Variants in CSMD3 observed in about 807,000 individuals in gnomAD.
CSMD3 encodes CUB and Sushi multiple domains 3.
CSMD3 carries 177 observed loss-of-function variants against 435.2 expected under a neutral mutation model. The ratio of observed to expected loss-of-function variants is 0.41; its 90% CI spans 0.36 to 0.46. The LOEUF is 0.46. Among genes scored for constraint, CSMD3 ranks in the 20% least tolerant of loss-of-function variants. CSMD3 has a pLI of 0.34. For synonymous variants in CSMD3, 1,656 were observed against 1,520.5 expected, an observed-to-expected ratio of 1.09 and a Z score of -2.07; for missense variants, 4,265 against 4,504.6, an observed-to-expected ratio of 0.95 and a Z score of 1.52.
chr8:113,389,178 C>T (rs1205634702), intron 1 of CSMD3, among the ~76,000 whole-genome samples: 1 of 151,496 alleles, frequency 6.6e-6, no homozygotes, highest in Non-Finnish European at 1.5e-5. Flanking sequence ...TGGAATAGAC[C>T]AAGAACACAT....
intron 1 of CSMD3, among the ~76,000 whole-genome samples, chr8:113,326,421 T>A (rs891333360): frequency 1.1e-4 from 17 of 151,768 alleles, no homozygotes; most frequent in African/African-American, 2.2e-4. Context: ...GTTTTTTTTT[T>A]AAATCAGGGT....
intron 22 of CSMD3, among the ~76,000 whole-genome samples, chr8:112,612,325 C>G (rs1277747624): frequency 6.6e-6 from 1 of 152,138 alleles, no homozygotes; most frequent in Non-Finnish European, 1.5e-5. Flanking sequence ...TTTCATTGGT[C>G]TTCACCACAG....
In CSMD3 at chr8:112,301,817, T is replaced by C. The variant is rs1483442143; in HGVS notation, c.8416A>G (p.Ser2806Gly). 1 of 1,613,736 alleles carries C rather than the reference T, an allele frequency of 6.2e-7. No homozygotes were observed. The highest frequency in any genetic ancestry group is 8.5e-7 in the Non-Finnish European group (1 of 1,179,862). ...VRECLSSGLW[S>G]ESETRCLAGH... ...CCTAGGCATCTGGTTTCAGATTCAC[T>C]CCAAAGACCTGAGGAAAGGCATTCC... Residue 2806 changes from serine to glycine, a missense_variant, in exon 53 of 71, where the codon AGT becomes GGT. Ser to Gly is a moderately conservative substitution (Grantham distance 56). Transcript: ENST00000297405.
rs559216180 is a variant in CSMD3 at position 113,098,744 on chromosome 8, C to T, written c.917+12G>A. 1.9e-6 allele frequency: 3 copies of T among 1,542,358 alleles called. No homozygotes were observed. In the Admixed American group the frequency reaches 5.0e-5, roughly 26 times the overall value. ...AACATCAATGCAAGGTTAATAGAAG[C>T]TATTTACTTACCATATGGTAGGTGG... is the stretch of plus-strand genomic sequence containing the variant. On this transcript the variant is annotated intron_variant, in intron 5 of 70. Transcript: ENST00000297405.
chr8:113,162,338 G>A (rs769390066), intron 4 of CSMD3, among the ~76,000 whole-genome samples: 24 of 151,960 alleles, frequency 1.6e-4, no homozygotes, highest in South Asian at 4.1e-4. Flanking sequence ...GCGTGAGGCA[G>A]GTAGATCACC....
intron 13 of CSMD3, among the ~76,000 whole-genome samples, chr8:112,702,665 G>C (rs530358086): frequency 3.9e-4 from 59 of 152,188 alleles, no homozygotes; most frequent in African/African-American, 1.3e-3. Context: ...CTGTGGGTAA[G>C]AGAACAGAGA....
chr8:113,222,680 T>C (rs942053666), intron 3 of CSMD3, among the ~76,000 whole-genome samples: 3 of 151,040 alleles, frequency 2.0e-5, no homozygotes, highest in African/African-American at 2.4e-5. Context: ...ATTTGCACTT[T>C]CAAATTAAGG....
At chr8:112,856,240 A>C (rs1204286521) in intron 11 of CSMD3, among the ~76,000 whole-genome samples, 1 of 151,912 alleles carries the variant, frequency 6.6e-6, no homozygotes, top group African/African-American at 2.4e-5. Flanking sequence ...TGAACATCAA[A>C]AATGTATATT....
intron 31 of CSMD3, among the ~76,000 whole-genome samples, chr8:112,490,588 A>G (rs1413103852): frequency 2.0e-5 from 3 of 152,102 alleles, no homozygotes; most frequent in Non-Finnish European, 4.4e-5. Context: ...TATCCCTGCG[A>G]TTAACATCTA....
rs1830390043 is a variant in CSMD3 at position 112,582,287 on chromosome 8, G to A, written c.3885+4779C>T. Among the ~76,000 whole-genome samples the A allele has an allele frequency of 2.0e-5, 3 of 151,978 alleles. No individual in the cohort carries two copies. The South Asian group carries it at 6.2e-4, about 32-fold the overall frequency. On this transcript the variant is annotated intron_variant, in intron 23 of 70. Coordinates refer to ENST00000297405, the MANE Select transcript of CSMD3 (RefSeq NM_198123.2). ...TCTGCCACAATTGTGAGCTTCCTGA[G>A]GTCCTCACCAGAAGTCCAGCTGATG...
At chr8:112,651,268 T>C (rs182407603) in intron 18 of CSMD3, among the ~76,000 whole-genome samples, 175 of 152,304 alleles carry the variant, frequency 1.1e-3, no homozygotes, top group African/African-American at 4.1e-3. Flanking sequence ...TATAATTATA[T>C]TAAATCATAT....
At chr8:112,499,255 T>C (rs1388639690) in intron 30 of CSMD3, among the ~76,000 whole-genome samples, 1 of 151,828 alleles carries the variant, frequency 6.6e-6, no homozygotes, top group Non-Finnish European at 1.5e-5. Context: ...ATCCAAGGTA[T>C]CAAAAAACCA....
intron 35 of CSMD3, among the ~76,000 whole-genome samples, chr8:112,393,585 T>A (rs1830621573): frequency 6.6e-6 from 1 of 152,178 alleles, no homozygotes; most frequent in African/African-American, 2.4e-5. Context: ...ATTCTAACTC[T>A]TCTTCTTTGC....
At chr8:113,177,260 G>A (rs1163063189) in intron 3 of CSMD3, among the ~76,000 whole-genome samples, 1 of 150,072 alleles carries the variant, frequency 6.7e-6, no homozygotes, top group Non-Finnish European at 1.5e-5. Context: ...TTTACAGTAA[G>A]TGATGATGTT....
In CSMD3 at chr8:112,337,528, A is replaced by G. The variant is rs763349576; in HGVS notation, c.6841+15T>C. ...ATGACATCACCTAAAAGATAGCTTC[A>G]AGTTAGAAGCATACCTTCACACCTT... On this transcript the variant is annotated intron_variant, in intron 43 of 70. Transcript: ENST00000297405. The G allele has an allele frequency of 5.0e-6, 8 of 1,603,844 alleles. No homozygotes were observed. Among genetic ancestry groups the G allele is most frequent in the Non-Finnish European group, 6.0e-6 (7 of 1,170,580 alleles).
At position 112,532,303 on chromosome 8, in the gene CSMD3, G is replaced by T. The variant is rs888369072; in HGVS notation, c.4565-15078C>A. Among the ~76,000 whole-genome samples the T allele has an allele frequency of 2.6e-5, 4 of 151,804 alleles. No homozygotes were observed. In the East Asian group the frequency reaches 7.7e-4, roughly 29 times the overall value. ...GGTAGGGATACAAAATATATTCAAA[G>T]AAATGATAACAGAGAACATTCCAAA... On this transcript the variant is annotated intron_variant, in intron 27 of 70. Coordinates refer to ENST00000297405, the MANE Select transcript of CSMD3 (RefSeq NM_198123.2).
chr8:113,120,639 GCCAAAATGCATTTAT>G (rs2090960140), intron 4 of CSMD3, among the ~76,000 whole-genome samples: 1 of 152,080 alleles, frequency 6.6e-6, no homozygotes, highest in South Asian at 2.1e-4. Context: ...ACTTACTATA[GCCAAAATGCATTTAT>G]CCAAAATTAT....
At position 112,825,410 on chromosome 8, in the gene CSMD3, T is replaced by TTTGTTG. The variant is rs145600692; in HGVS notation, c.1859+4270_1859+4275dup. Among the ~76,000 whole-genome samples, 12 of 152,090 alleles carry TTTGTTG rather than the reference T, an allele frequency of 7.9e-5. No homozygotes were observed. In the South Asian group the frequency reaches 1.5e-3, roughly 18 times the overall value. Reference sequence around the variant, plus strand: ...CTCTGGCCTTCTGGATTTTCATCTTTTTGTTGTTGTTGTTGTTGTTGTTAA... The same window carrying TTTGTTG: ...CTCTGGCCTTCTGGATTTTCATCTTTTTGTTGTTGTTGTTGTTGTTGTTGTTGTTAA... On this transcript the variant is annotated intron_variant, in intron 12 of 70. Transcript: ENST00000297405.
At chr8:112,904,072 C>A (rs1174703852) in intron 10 of CSMD3, among the ~76,000 whole-genome samples, 1 of 151,262 alleles carries the variant, frequency 6.6e-6, no homozygotes, top group African/African-American at 2.4e-5. Flanking sequence ...AACATTTAAA[C>A]AATGCTTTTT....
Sources: allele counts gnomAD v4.1 joint callset (sites outside exome capture counted in the v4.1 genomes callset), GRCh38; gene constraint gnomAD v4.1.1; transcripts MANE v1.5; gene names NCBI Gene and HGNC (gene_info 2026-07-23, HGNC 2026-07-21).